The following FDX1 variants were observed in gnomAD, a reference collection of about 807,000 sequenced individuals.
FDX1 encodes the protein adrenodoxin, mitochondrial.
A neutral mutation model predicts 14.9 loss-of-function variants in FDX1; 9 were observed. That is an observed-to-expected ratio of 0.60 (90% confidence interval 0.36 to 1.05). FDX1 has a LOEUF of 1.05. FDX1 is among the 50% of genes least tolerant of loss of function. The pLI is 0.01. For missense variants in FDX1, 204 were observed against 237.2 expected (o/e 0.86, Z 0.92); for synonymous variants, 92 against 99.4 (o/e 0.93, Z 0.44).
At chr11:110,434,942 A>G (rs1946359007) in intron 1 of FDX1, among the ~76,000 whole-genome samples, 1 of 151,718 alleles carries the variant, frequency 6.6e-6, no homozygotes, top group Non-Finnish European at 1.5e-5. Context: ...TTTTGTAGCA[A>G]TAGGGTCTCT....
At chr11:110,445,614 G>A (rs897253521) in intron 2 of FDX1, among the ~76,000 whole-genome samples, 8 of 152,214 alleles carry the variant, frequency 5.3e-5, no homozygotes, top group African/African-American at 1.9e-4. Flanking sequence ...GTGAGTCACA[G>A]TTAAATAAAG....
chr11:110,460,804 A>C (rs1946551801), intron 3 of FDX1, among the ~76,000 whole-genome samples: 1 of 152,236 alleles, frequency 6.6e-6, no homozygotes, highest in South Asian at 2.1e-4. Context: ...GCCTGTGAAC[A>C]TGGTATATTA....
At chr11:110,459,919 C>G (rs1025772981) in intron 3 of FDX1, among the ~76,000 whole-genome samples, 2 of 152,214 alleles carry the variant, frequency 1.3e-5, no homozygotes, top group Non-Finnish European at 2.9e-5. Context: ...GTTCCCATAA[C>G]AGATTTATTG....
intron 2 of FDX1, among the ~76,000 whole-genome samples, chr11:110,448,201 G>T (rs1366932055): frequency 6.6e-6 from 1 of 152,046 alleles, no homozygotes; most frequent in Non-Finnish European, 1.5e-5. Flanking sequence ...TTCTTCATGT[G>T]TCTGTTTTGA....
At chr11:110,457,272 A>G (rs1440220887) in intron 3 of FDX1, among the ~76,000 whole-genome samples, 1 of 152,224 alleles carries the variant, frequency 6.6e-6, no homozygotes, top group African/African-American at 2.4e-5. Flanking sequence ...AATTGGAAGT[A>G]TAAGTTCTAG....
At chr11:110,440,571 T>G (rs1046786582) in intron 2 of FDX1, among the ~76,000 whole-genome samples, 1 of 152,230 alleles carries the variant, frequency 6.6e-6, no homozygotes, top group Non-Finnish European at 1.5e-5. Context: ...TGCTATTGTT[T>G]GTGTGCATTG....
chr11:110,446,504 C>T (rs1946451023), intron 2 of FDX1, among the ~76,000 whole-genome samples: 1 of 152,228 alleles, frequency 6.6e-6, no homozygotes, highest in Non-Finnish European at 1.5e-5. Flanking sequence ...ACAGATCTAA[C>T]TTCTTGCTTT....
chr11:110,444,470 G>A (rs1346630989), intron 2 of FDX1, among the ~76,000 whole-genome samples: 2 of 151,262 alleles, frequency 1.3e-5, no homozygotes, highest in East Asian at 3.9e-4. Context: ...ACAAAAATTA[G>A]CCAGGTGTGG....
chr11:110,449,117 A>G (rs1019628712), intron 2 of FDX1, among the ~76,000 whole-genome samples: 7 of 152,210 alleles, frequency 4.6e-5, no homozygotes, highest in Admixed American at 2.6e-4. Context: ...GTTATTTTGG[A>G]ATAGAGGTTA....
rs1412061859 is a variant in FDX1 at position 110,429,960 on chromosome 11, G to A, written c.-161G>A. 1 of 403,640 alleles carries A rather than the reference G, an allele frequency of 2.5e-6. No homozygotes were observed. Among genetic ancestry groups the A allele is most frequent in the South Asian group, 1.3e-4 (1 of 7,630 alleles). The allele number at this position is 403,640 out of a possible 1,614,324, so 25.0% of individuals were successfully genotyped here. A position where few individuals can be genotyped will look rare whatever the true frequency, so the allele number is the denominator to read the frequency against. On this transcript the variant is annotated 5_prime_UTR_variant, in exon 1 of 4. Transcript: ENST00000260270. ...TCACCCGGAAGGCACGCGGAACCTC[G>A]GCGCGGTGCTTCCAGCAGGGTCTCT...
intron 2 of FDX1, among the ~76,000 whole-genome samples, chr11:110,456,173 A>C (rs990646398): frequency 3.3e-5 from 5 of 152,232 alleles, no homozygotes; most frequent in African/African-American, 1.2e-4. Context: ...ATTGAGAGGG[A>C]AGAACATTTA....
At position 110,460,262 on chromosome 11, in the gene FDX1, C is replaced by T. The variant is rs190356045; in HGVS notation, c.441-2092C>T. Among the ~76,000 whole-genome samples the T allele has an allele frequency of 9.2e-5, 14 of 152,310 alleles. No homozygotes were observed. In the East Asian group the frequency reaches 2.7e-3, roughly 29 times the overall value. On this transcript the variant is annotated intron_variant, in intron 3 of 3. Coordinates refer to ENST00000260270, the MANE Select transcript of FDX1 (RefSeq NM_004109.5). ...AGTATTTCTCATGGTTAAGCACACT[C>T]CTTTACTCCAAAACTTCCTGGTGGT...
intron 3 of FDX1, among the ~76,000 whole-genome samples, chr11:110,461,220 G>T (rs1355215108): frequency 6.6e-6 from 1 of 152,266 alleles, no homozygotes; most frequent in African/African-American, 2.4e-5. Flanking sequence ...AAATGGCTGA[G>T]TGCGGTGGCT....
At chr11:110,455,231 C>T (rs955073546) in intron 2 of FDX1, among the ~76,000 whole-genome samples, 1 of 151,412 alleles carries the variant, frequency 6.6e-6, no homozygotes, top group Non-Finnish European at 1.5e-5. Context: ...GGTCTCGAAC[C>T]TCACGTGATC....
intron 2 of FDX1, among the ~76,000 whole-genome samples, chr11:110,450,118 A>T (rs534254576): frequency 1.3e-5 from 2 of 152,254 alleles, no homozygotes; most frequent in South Asian, 4.2e-4. Flanking sequence ...TCCATGGGCA[A>T]GGTTGGGGTG....
intron 2 of FDX1, among the ~76,000 whole-genome samples, chr11:110,446,898 C>T (rs574864013): frequency 6.6e-6 from 1 of 152,316 alleles, no homozygotes; most frequent in Admixed American, 6.5e-5. Context: ...ATGAGTGGGC[C>T]AGGCACAGTG....
chr11:110,434,417 A>G (rs1418442249), intron 1 of FDX1, among the ~76,000 whole-genome samples: 1 of 148,718 alleles, frequency 6.7e-6, no homozygotes, highest in Admixed American at 6.8e-5. Flanking sequence ...GCTCACTGCA[A>G]CCTCTGCCTT....
At chr11:110,441,384 C>T (rs1219818831) in intron 2 of FDX1, among the ~76,000 whole-genome samples, 2 of 152,192 alleles carry the variant, frequency 1.3e-5, no homozygotes, top group Non-Finnish European at 2.9e-5. Flanking sequence ...AAGTTTGGAA[C>T]TCCCTAGAGA....
Position 110,435,715 on chromosome 11 carries a change from C to T in FDX1, c.186-119C>T, listed in dbSNP as rs142469641. 9.1e-4 allele frequency: 580 copies of T among 637,084 alleles called. 2 individuals are homozygous for T. The highest frequency in any genetic ancestry group is 6.2e-3 in the African/African-American group (324 of 52,266). The allele number at this position is 637,084 out of a possible 1,614,324, so 39.5% of individuals were successfully genotyped here. ...ATAAAAATAAAAAAAATTAGCCAGGCGTGGTGCTGGGCACCTGTATTCCCA... is the reference window on the plus strand; with the variant it reads ...ATAAAAATAAAAAAAATTAGCCAGGTGTGGTGCTGGGCACCTGTATTCCCA... On this transcript the variant is annotated intron_variant, in intron 1 of 3. Coordinates refer to ENST00000260270, the MANE Select transcript of FDX1 (RefSeq NM_004109.5).
Sources: gnomAD v4.1 joint callset for allele counts (sites outside exome capture counted in the v4.1 genomes callset) on GRCh38, gnomAD v4.1.1 for gene constraint, MANE v1.5 for transcripts, NCBI Gene and HGNC (gene_info 2026-07-23, HGNC 2026-07-21) for gene names.